The following FER variants were observed in gnomAD, a reference collection of about 807,000 sequenced individuals.
FER encodes tyrosine-protein kinase Fer.
Under a neutral mutation model 111.0 loss-of-function variants are expected in FER, and 63 were observed. That is an observed-to-expected ratio of 0.57 (90% confidence interval 0.46 to 0.70). The LOEUF is 0.70. Ranked by LOEUF, FER falls within the 30% of genes least tolerant of loss-of-function variation. FER has a pLI of 0.00. For synonymous variants in FER, 327 were observed against 313.9 expected, an observed-to-expected ratio of 1.04 and a Z score of -0.44; for missense variants, 914 against 954.0, an observed-to-expected ratio of 0.96 and a Z score of 0.55.
chr5:108,992,343 T>C (rs1207895939), intron 13 of FER, among the ~76,000 whole-genome samples: 5 of 152,208 alleles, frequency 3.3e-5, no homozygotes, highest in Non-Finnish European at 5.9e-5. Flanking sequence ...CTTTCTATTC[T>C]ACAAAACCGC....
At chr5:109,051,316 A>T in intron 16 of FER, 2 of 1,576,942 alleles carry the variant, frequency 1.3e-6, no homozygotes, top group Admixed American at 3.3e-5. Context: ...CTGTATCTAG[A>T]TCTCCAGGTC....
intron 14 of FER, among the ~76,000 whole-genome samples, chr5:109,038,919 CCTT>C (rs1304058061): frequency 2.6e-5 from 4 of 152,050 alleles, no homozygotes; most frequent in Admixed American, 2.6e-4. Context: ...GAATTTATCT[CCTT>C]AGACTATTTC....
intron 13 of FER, among the ~76,000 whole-genome samples, chr5:109,022,077 C>T (rs1490599704): frequency 1.3e-5 from 2 of 152,134 alleles, no homozygotes; most frequent in African/African-American, 4.8e-5. Flanking sequence ...CTACCAGTTA[C>T]ACCCTCCCTA....
chr5:108,765,605 T>C (rs1288769383), intron 1 of FER, among the ~76,000 whole-genome samples: 1 of 152,298 alleles, frequency 6.6e-6, no homozygotes, highest in Admixed American at 6.5e-5. Context: ...CTGCTCAATA[T>C]TGGGCATGGA....
At chr5:108,855,340 T>C (rs1001215721) in intron 5 of FER, among the ~76,000 whole-genome samples, 1 of 151,900 alleles carries the variant, frequency 6.6e-6, no homozygotes, top group African/African-American at 2.4e-5. Context: ...TTAAAAAGAA[T>C]ACAAAAGACC....
intron 17 of FER, among the ~76,000 whole-genome samples, chr5:109,121,103 T>C (rs2126494552): frequency 6.6e-6 from 1 of 152,246 alleles, no homozygotes; most frequent in African/African-American, 2.4e-5. Context: ...TCTTGTCTGA[T>C]TGCTCTAGCT....
intron 16 of FER, among the ~76,000 whole-genome samples, chr5:109,096,982 AATATAAAT>A (rs1345232470): frequency 1.3e-5 from 2 of 148,218 alleles, no homozygotes; most frequent in Non-Finnish European, 3.0e-5. Context: ...TAAATATATA[AATATAAAT>A]ATATAATTAT....
At chr5:108,770,349 C>G (rs901539631) in intron 2 of FER, among the ~76,000 whole-genome samples, 1 of 152,180 alleles carries the variant, frequency 6.6e-6, no homozygotes, top group Non-Finnish European at 1.5e-5. Flanking sequence ...AGTTTTAAGT[C>G]TACTATCCCT....
At chr5:109,118,974 A>AT (rs926753787) in intron 17 of FER, among the ~76,000 whole-genome samples, 13 of 144,240 alleles carry the variant, frequency 9.0e-5, no homozygotes, top group South Asian at 6.6e-4. Flanking sequence ...GGATTCATTG[A>AT]TTTTTTTGAA....
At chr5:108,868,422 G>A (rs1764287011) in intron 6 of FER, among the ~76,000 whole-genome samples, 1 of 152,056 alleles carries the variant, frequency 6.6e-6, no homozygotes, top group South Asian at 2.1e-4. Flanking sequence ...GGGATATAGA[G>A]ATGAGCAGGG....
chr5:109,151,720 A>C (rs139798351), intron 17 of FER, among the ~76,000 whole-genome samples: 2 of 152,206 alleles, frequency 1.3e-5, no homozygotes, highest in Non-Finnish European at 2.9e-5. Context: ...CCCAGCACCT[A>C]CTCAAAATGC....
Position 108,802,612 on chromosome 5 carries a change from G to GT in FER, c.207+4232dup, listed in dbSNP as rs1035405515. 4.7e-5 allele frequency among the ~76,000 whole-genome samples: 7 copies of GT among 150,172 alleles called. No homozygotes were observed. The East Asian group carries it at 5.9e-4, about 13-fold the overall frequency. On this transcript the variant is annotated intron_variant, in intron 3 of 19. Coordinates refer to ENST00000281092, the MANE Select transcript of FER (RefSeq NM_005246.4). ...TTATAAGTGAGAACATGGAGTATTTGTTTTTTTTTGTTCCTGTGTTAATTT... is the reference window on the plus strand; with the variant it reads ...TTATAAGTGAGAACATGGAGTATTTGTTTTTTTTTTGTTCCTGTGTTAATTT...
intron 13 of FER, among the ~76,000 whole-genome samples, chr5:109,036,000 CTTTG>C (rs1561807081): frequency 6.6e-6 from 1 of 151,944 alleles, no homozygotes; most frequent in Non-Finnish European, 1.5e-5. Context: ...GAGCTGGGTT[CTTTG>C]TTTTGTTGTT....
intron 17 of FER, among the ~76,000 whole-genome samples, chr5:109,141,227 T>C (rs1237241622): frequency 1.3e-5 from 2 of 152,196 alleles, no homozygotes; most frequent in African/African-American, 4.8e-5. Context: ...CAACTTCCTT[T>C]CTCAATTTTT....
intron 13 of FER, among the ~76,000 whole-genome samples, chr5:108,970,971 TATG>T (rs1235520631): frequency 6.6e-6 from 1 of 152,156 alleles, no homozygotes; most frequent in African/African-American, 2.4e-5. Flanking sequence ...ACATCTTAAA[TATG>T]ATGGTGATAC....
At chr5:109,030,029 G>T (rs2149857387) in intron 13 of FER, among the ~76,000 whole-genome samples, 2 of 151,808 alleles carry the variant, frequency 1.3e-5, no homozygotes, top group East Asian at 1.9e-4. Context: ...TCTCTTTGTT[G>T]TTCAAATTGG....
At chr5:108,873,235 C>T (rs1368265380) in intron 8 of FER, among the ~76,000 whole-genome samples, 6 of 152,010 alleles carry the variant, frequency 3.9e-5, no homozygotes, top group Non-Finnish European at 5.9e-5. Context: ...ACCTCTGCCT[C>T]GCAGTTCAAA....
chr5:109,015,686 A>G (rs1766994892), intron 13 of FER, among the ~76,000 whole-genome samples: 1 of 152,076 alleles, frequency 6.6e-6, no homozygotes. Context: ...ACAGCATTAT[A>G]TATGGTAATT....
At chr5:108,876,485 T>C (rs1311121072) in intron 8 of FER, among the ~76,000 whole-genome samples, 1 of 152,180 alleles carries the variant, frequency 6.6e-6, no homozygotes, top group Admixed American at 6.5e-5. Flanking sequence ...CACATATCAG[T>C]ATACTGTGGC....
Sources: allele counts gnomAD v4.1 joint callset (sites outside exome capture counted in the v4.1 genomes callset), GRCh38; gene constraint gnomAD v4.1.1; transcripts MANE v1.5; gene names NCBI Gene and HGNC (gene_info 2026-07-23, HGNC 2026-07-21).